The following LRRK2 variants were observed in gnomAD, a reference collection of about 807,000 sequenced individuals.
LRRK2 encodes leucine-rich repeat serine/threonine-protein kinase 2.
A neutral mutation model predicts 302.6 loss-of-function variants in LRRK2; 203 were observed. The ratio of observed to expected loss-of-function variants is 0.67; its 90% CI spans 0.60 to 0.75. The LOEUF (loss-of-function observed/expected upper bound fraction) is 0.75, where lower values mean the gene tolerates loss of function less well. Ranked by LOEUF, LRRK2 falls within the 30% of genes least tolerant of loss-of-function variation. The pLI is 0.00. For missense variants in LRRK2, 2,830 were observed against 2,951.0 expected (o/e 0.96, Z 0.95); for synonymous variants, 1,066 against 1,031.9 (o/e 1.03, Z -0.63).
intron 46 of LRRK2, among the ~76,000 whole-genome samples, chr12:40,357,955 A>T (rs1419150040): frequency 6.6e-6 from 1 of 151,954 alleles, no homozygotes; most frequent in Non-Finnish European, 1.5e-5. Flanking sequence ...TTTTGTAGAG[A>T]TGCGGCTCCA....
At chr12:40,357,352 G>A (rs750865605) in intron 46 of LRRK2, among the ~76,000 whole-genome samples, 1 of 97,202 alleles carries the variant, frequency 1.0e-5, no homozygotes, top group Non-Finnish European at 2.4e-5. Flanking sequence ...TGGGTGCTTA[G>A]GTTGATTCCA....
intron 27 of LRRK2, chr12:40,304,472 G>C (rs1944743561): frequency 3.6e-6 from 1 of 280,590 alleles, no homozygotes; most frequent in East Asian, 6.4e-5. Flanking sequence ...TAAACAGCTA[G>C]ATATAAATTT....
In LRRK2 at chr12:40,278,028, T is replaced by A; in HGVS notation, c.2070+12T>A. 6.2e-7 allele frequency: 1 copy of A among 1,613,884 alleles called. No homozygotes were observed. The highest frequency in any genetic ancestry group is 8.5e-7 in the Non-Finnish European group (1 of 1,179,990). On this transcript the variant is annotated intron_variant, in intron 17 of 50. Transcript: ENST00000298910. ...AAAAGGATCAACAGGTACAGTGTTT[T>A]TCACTTGCATCCTAAATGTTATGTA... is the stretch of plus-strand genomic sequence containing the variant.
intron 38 of LRRK2, among the ~76,000 whole-genome samples, chr12:40,326,660 T>C (rs2136908465): frequency 6.6e-6 from 1 of 152,124 alleles, no homozygotes; most frequent in South Asian, 2.1e-4. Flanking sequence ...TCCGACCGAT[T>C]CTCTCCCTTC....
intron 19 of LRRK2, among the ~76,000 whole-genome samples, chr12:40,284,624 C>T (rs944649203): frequency 6.6e-6 from 1 of 151,938 alleles, no homozygotes; most frequent in Non-Finnish European, 1.5e-5. Context: ...AATGCATTTT[C>T]TTTATACTTT....
rs1048036943 is a variant in LRRK2, at chr12:40,232,221, T to A, written c.238-53T>A. 3 of 1,235,860 alleles carry A rather than the reference T, an allele frequency of 2.4e-6. No individual in the cohort carries two copies. In the African/African-American group the frequency reaches 4.4e-5, roughly 18 times the overall value. The allele number at this position is 1,235,860 out of a possible 1,614,324, so 76.6% of individuals were successfully genotyped here. On this transcript the variant is annotated intron_variant, in intron 2 of 50. Coordinates refer to ENST00000298910, the MANE Select transcript of LRRK2 (RefSeq NM_198578.4). ...GAAGAGATTCATGTTTGACTGAGTATGCTCTATTAACATTCTTTAAAACAT... is the reference window on the plus strand; with the variant it reads ...GAAGAGATTCATGTTTGACTGAGTAAGCTCTATTAACATTCTTTAAAACAT...
chr12:40,296,795 A>G (rs1287002932), intron 23 of LRRK2, among the ~76,000 whole-genome samples: 15 of 152,150 alleles, frequency 9.9e-5, no homozygotes, highest in Non-Finnish European at 2.2e-4. Flanking sequence ...GAGAAGAAAG[A>G]AAGGTGACCC....
rs75915916 is a variant in LRRK2, at chr12:40,274,562, C to A, written c.1657-21C>A. ...AGTATTAAGATCTCATTTTTAACAG[C>A]GAGTATTCTTTTGATTTTAGTTCAT... is the stretch of plus-strand genomic sequence containing the variant. On this transcript the variant is annotated intron_variant, in intron 14 of 50. Coordinates refer to ENST00000298910, the MANE Select transcript of LRRK2 (RefSeq NM_198578.4). The A allele has an allele frequency of 6.2e-6, 10 of 1,612,352 alleles. No individual in the cohort carries two copies. In the East Asian group the frequency reaches 1.3e-4, roughly 22 times the overall value.
chr12:40,331,737 C>A lies in LRRK2; in HGVS notation c.5758-3230C>A, dbSNP rs539255121. ...AGATACTTCAGACTCTGTTCTACAT[C>A]TCTTCATAGATCAATAACTTGCAGC... On this transcript the variant is annotated intron_variant, in intron 39 of 50. Transcript: ENST00000298910. Among the ~76,000 whole-genome samples the A allele has an allele frequency of 2.1e-3, 319 of 152,278 alleles. 1 individual carries two copies. The highest frequency in any genetic ancestry group is 3.6e-3 in the Non-Finnish European group (245 of 68,028).
intron 11 of LRRK2, among the ~76,000 whole-genome samples, chr12:40,255,951 T>C (rs1942480272): frequency 6.6e-6 from 1 of 152,224 alleles, no homozygotes; most frequent in Admixed American, 6.5e-5. Context: ...TGTTTTGTCC[T>C]ATCTTCTTAA....
At chr12:40,288,777 A>C (rs1944029261) in intron 20 of LRRK2, among the ~76,000 whole-genome samples, 1 of 151,838 alleles carries the variant, frequency 6.6e-6, no homozygotes, top group South Asian at 2.1e-4. Flanking sequence ...GGGTTGTCTT[A>C]TTATATAAGA....
At chr12:40,322,750 T>C (rs970205220) in intron 37 of LRRK2, among the ~76,000 whole-genome samples, 43 of 152,106 alleles carry the variant, frequency 2.8e-4, no homozygotes, top group Admixed American at 2.0e-4. Context: ...TAACCTCATC[T>C]GTGAAACCGG....
rs758151937 is a variant in LRRK2, at chr12:40,237,990, T to G, written c.458T>G (p.Leu153Trp). The change falls in exon 5 of 51, where the codon TTG becomes TGG. Residue 153 changes from leucine (L) to tryptophan (W), a missense_variant. By Grantham distance (61) the Leu-to-Trp change is moderately conservative (BLOSUM62 -2). Transcript: ENST00000298910. ...ATAGGTAAAATCACCTTGCTGATAT[T>G]GGATGAAGAAAGTGATATTTTCATG... Reference protein sequence around the residue: ...LTSGKITLLILDEESDIFMLI... With the variant: ...LTSGKITLLIWDEESDIFMLI... 8.7e-6 allele frequency: 14 copies of G among 1,612,346 alleles called. No individual in the cohort carries two copies. In the East Asian group the frequency reaches 3.1e-4, roughly 36 times the overall value.
chr12:40,285,507 A>G (rs906012975), intron 19 of LRRK2, among the ~76,000 whole-genome samples: 1 of 152,018 alleles, frequency 6.6e-6, no homozygotes, highest in Non-Finnish European at 1.5e-5. Flanking sequence ...TCCTCTTTTG[A>G]GGACAATTTG....
chr12:40,299,474 G>T (rs1040220361), intron 25 of LRRK2, among the ~76,000 whole-genome samples: 6 of 152,152 alleles, frequency 3.9e-5, no homozygotes, highest in African/African-American at 1.4e-4. Context: ...GTAAGTGAAA[G>T]AAGCCAATCT....
At position 40,235,719 on chromosome 12, in the gene LRRK2, T is replaced by C; in HGVS notation, c.436+5T>C. ...TAGATCTCCTCCTAACTTCAGGTAA[T>C]ATGTGTATATGTTTTTTGTGTTGAT... On this transcript the variant is annotated splice_donor_5th_base_variant and intron_variant, in intron 4 of 50. Transcript: ENST00000298910. The C allele has an allele frequency of 6.6e-7, 1 of 1,524,442 alleles. No homozygotes were observed. The highest frequency in any genetic ancestry group is 9.1e-7 in the Non-Finnish European group (1 of 1,098,712). The allele number at this position is 1,524,442 out of a possible 1,614,324, so 94.4% of individuals were successfully genotyped here.
intron 8 of LRRK2, among the ~76,000 whole-genome samples, chr12:40,250,428 T>A (rs1942205024): frequency 6.6e-6 from 1 of 152,148 alleles, no homozygotes; most frequent in African/African-American, 2.4e-5. Flanking sequence ...GGGTAGGAGT[T>A]GAAGTGAGCT....
At chr12:40,270,824 G>C (rs1943201722) in intron 14 of LRRK2, among the ~76,000 whole-genome samples, 1 of 152,016 alleles carries the variant, frequency 6.6e-6, no homozygotes. Context: ...ACATGGTAAA[G>C]ATATTAAGGA....
chr12:40,259,410 T>C (rs1942670679), intron 12 of LRRK2, 70 bp from the exon 13 acceptor site: 2 of 1,594,094 alleles, frequency 1.3e-6, no homozygotes, highest in Admixed American at 1.7e-5. Flanking sequence ...CCTGTACTTA[T>C]TTCAATTTGG....
Sources: gnomAD v4.1 joint callset for allele counts (sites outside exome capture counted in the v4.1 genomes callset) on GRCh38, gnomAD v4.1.1 for gene constraint, MANE v1.5 for transcripts, NCBI Gene and HGNC (gene_info 2026-07-23, HGNC 2026-07-21) for gene names.